Variants in PRKN observed in about 807,000 individuals in gnomAD.
PRKN encodes the protein parkin RBR E3 ubiquitin protein ligase.
PRKN carries 56 observed loss-of-function variants against 59.5 expected under a neutral mutation model. The observed-to-expected ratio is 0.94, with a 90% CI of 0.76 to 1.18. The LOEUF is 1.18. Among genes scored for constraint, PRKN ranks in the 50% most tolerant of loss-of-function variants. The pLI, the probability that PRKN is intolerant of heterozygous loss-of-function variation, is 0.00. For synonymous variants in PRKN, 250 were observed against 222.1 expected (o/e 1.13, Z -1.12); for missense variants, 657 against 596.4 (o/e 1.10, Z -1.06).
intron 4 of PRKN, among the ~76,000 whole-genome samples, chr6:162,167,986 A>G (rs1423234278): frequency 1.3e-5 from 2 of 152,146 alleles, no homozygotes; most frequent in African/African-American, 4.8e-5. Context: ...TTTTTCACTA[A>G]TTCACATGAC....
chr6:162,619,710 T>TCACACACA (rs56144864), intron 1 of PRKN, among the ~76,000 whole-genome samples: 11 of 150,494 alleles, frequency 7.3e-5, no homozygotes, highest in African/African-American at 2.7e-4. Flanking sequence ...CTTTTTCCAC[T>TCACACACA]CACACACACA....
At chr6:162,412,913 A>T (rs1788420881) in intron 2 of PRKN, among the ~76,000 whole-genome samples, 1 of 152,206 alleles carries the variant, frequency 6.6e-6, no homozygotes, top group African/African-American at 2.4e-5. Flanking sequence ...GCATTAAAAC[A>T]TTTTTTTAAA....
intron 1 of PRKN, among the ~76,000 whole-genome samples, chr6:162,631,241 C>T (rs1210026363): frequency 6.6e-6 from 1 of 152,152 alleles, no homozygotes; most frequent in Non-Finnish European, 1.5e-5. Flanking sequence ...TGTTCCACTA[C>T]AGTCCATGTG....
intron 9 of PRKN, among the ~76,000 whole-genome samples, chr6:161,441,372 C>T (rs1337887929): frequency 6.6e-6 from 1 of 152,054 alleles, no homozygotes; most frequent in East Asian, 1.9e-4. Flanking sequence ...TGTCCAGGTG[C>T]GGTGGTTCAT....
rs576074041 is a variant in PRKN, at chr6:161,855,195, A to C, written c.735-69287T>G. Among the ~76,000 whole-genome samples the C allele has an allele frequency of 2.6e-5, 4 of 151,568 alleles. No individual in the cohort carries two copies. The South Asian group carries it at 8.4e-4, about 32-fold the overall frequency. ...GTAAAAATGCAGCTGCTTGCTCACC[A>C]CCCCCAGAACCTCTTTCTGCGATGA... On this transcript the variant is annotated intron_variant, in intron 6 of 11. Coordinates refer to ENST00000366898, the MANE Select transcript of PRKN (RefSeq NM_004562.3).
intron 6 of PRKN, among the ~76,000 whole-genome samples, chr6:161,927,029 T>A (rs1172646659): frequency 1.3e-5 from 2 of 152,186 alleles, no homozygotes; most frequent in African/African-American, 2.4e-5. Context: ...TGTTCTAGAA[T>A]GACTGGTGGG....
chr6:161,644,539 C>T (rs1267713945), intron 7 of PRKN, among the ~76,000 whole-genome samples: 2 of 152,192 alleles, frequency 1.3e-5, no homozygotes, highest in Non-Finnish European at 2.9e-5. Context: ...GCCCTTAGTT[C>T]GTTTGATTCA....
chr6:161,776,067 G>A (rs1789911201), intron 7 of PRKN, among the ~76,000 whole-genome samples: 1 of 152,204 alleles, frequency 6.6e-6, no homozygotes, highest in Non-Finnish European at 1.5e-5. Flanking sequence ...GGGAAGGTGG[G>A]AAACTACTTC....
intron 6 of PRKN, among the ~76,000 whole-genome samples, chr6:161,921,713 T>A (rs1778792288): frequency 6.6e-6 from 1 of 152,172 alleles, no homozygotes; most frequent in Non-Finnish European, 1.5e-5. Context: ...ACCTCCTGCT[T>A]CACCCGTAAA....
intron 1 of PRKN, among the ~76,000 whole-genome samples, chr6:162,720,243 G>A (rs1172683413): frequency 6.6e-6 from 1 of 152,102 alleles, no homozygotes; most frequent in Non-Finnish European, 1.5e-5. Flanking sequence ...CCCCTCATTT[G>A]ATGAGGGTAG....
intron 6 of PRKN, among the ~76,000 whole-genome samples, chr6:161,801,607 G>A (rs953487082): frequency 2.0e-5 from 3 of 152,170 alleles, no homozygotes; most frequent in South Asian, 4.1e-4. Flanking sequence ...TAGAGTCCAC[G>A]ACTTTCAGCC....
chr6:162,143,136 CCTT>C (rs1414252816), intron 4 of PRKN, among the ~76,000 whole-genome samples: 3 of 152,314 alleles, frequency 2.0e-5, no homozygotes, highest in South Asian at 2.1e-4. Context: ...ATATTTTTCT[CCTT>C]CTTCCTTGTT....
intron 2 of PRKN, among the ~76,000 whole-genome samples, chr6:162,281,392 G>A (rs2128106394): frequency 6.6e-6 from 1 of 151,894 alleles, no homozygotes; most frequent in South Asian, 2.1e-4. Context: ...TTCAGCACAT[G>A]TAGCCCAGAA....
At chr6:161,838,549 A>G (rs1239909697) in intron 6 of PRKN, among the ~76,000 whole-genome samples, 2 of 152,224 alleles carry the variant, frequency 1.3e-5, no homozygotes, top group Non-Finnish European at 2.9e-5. Context: ...AACACATTAA[A>G]AGTGTTCAGG....
intron 2 of PRKN, among the ~76,000 whole-genome samples, chr6:162,359,300 G>C (rs1785027527): frequency 6.6e-6 from 1 of 151,636 alleles, no homozygotes; most frequent in Non-Finnish European, 1.5e-5. Flanking sequence ...CGGAAAATTA[G>C]GTAGAATTTA....
intron 2 of PRKN, among the ~76,000 whole-genome samples, chr6:162,423,290 G>A (rs1789072869): frequency 6.6e-6 from 1 of 152,142 alleles, no homozygotes; most frequent in African/African-American, 2.4e-5. Flanking sequence ...AGATGACAGA[G>A]TGACTAACTC....
intron 1 of PRKN, among the ~76,000 whole-genome samples, chr6:162,487,584 C>G (rs561496391): frequency 1.3e-5 from 2 of 152,288 alleles, no homozygotes; most frequent in South Asian, 4.1e-4. Context: ...AAAATCTACA[C>G]AAGGACTTCC....
intron 6 of PRKN, among the ~76,000 whole-genome samples, chr6:161,842,880 C>T (rs748027520): frequency 6.6e-6 from 1 of 152,156 alleles, no homozygotes; most frequent in Non-Finnish European, 1.5e-5. Context: ...TGAGGATGCA[C>T]GTTCTCTTTT....
chr6:162,137,628 G>A (rs1781604051), intron 4 of PRKN, among the ~76,000 whole-genome samples: 1 of 152,162 alleles, frequency 6.6e-6, no homozygotes, highest in Admixed American at 6.5e-5. Context: ...GCTGGCATCT[G>A]GCAAGGTCTT....
Sources: gnomAD v4.1 joint callset for allele counts (sites outside exome capture counted in the v4.1 genomes callset) on GRCh38, gnomAD v4.1.1 for gene constraint, MANE v1.5 for transcripts, NCBI Gene and HGNC (gene_info 2026-07-23, HGNC 2026-07-21) for gene names.